BCO1: variants seen among roughly 807,000 people sequenced by gnomAD.
The protein encoded by BCO1 is beta-carotene oxygenase 1.
In BCO1, 54 loss-of-function variants were observed where a neutral mutation model predicts 56.3. The ratio of observed to expected loss-of-function variants is 0.96; its 90% CI spans 0.77 to 1.20. The LOEUF (loss-of-function observed/expected upper bound fraction) is 1.20, where lower values mean the gene tolerates loss of function less well. Ranked by LOEUF, BCO1 falls within the 50% of genes most tolerant of loss-of-function variation. The pLI, the probability that BCO1 is intolerant of heterozygous loss-of-function variation, is 0.00. For synonymous variants in BCO1, 318 were observed against 266.1 expected (o/e 1.20, Z -1.90); for missense variants, 801 against 690.9 (o/e 1.16, Z -1.79).
intron 8 of BCO1, among the ~76,000 whole-genome samples, chr16:81,282,086 C>A (rs1040025084): frequency 6.6e-6 from 1 of 152,180 alleles, no homozygotes; most frequent in Non-Finnish European, 1.5e-5. Flanking sequence ...TGCATTTCAA[C>A]TGAGCGCATT....
chr16:81,266,995 G>A lies in BCO1; in HGVS notation c.620-913G>A, dbSNP rs115690764. Among the ~76,000 whole-genome samples, 457 of 152,348 alleles carry A rather than the reference G, an allele frequency of 3.0e-3. 3 individuals are homozygous for A. Among genetic ancestry groups the A allele is most frequent in the African/African-American group, 0.01 (419 of 41,576 alleles). The stretch of plus-strand genomic sequence containing the variant: ...GCAGATAACTCATTATAAGCCAGCC[G>A]TAGGCCTGGGTGGGGAGGCCTTTTG... On this transcript the variant is annotated intron_variant, in intron 5 of 10. Coordinates refer to ENST00000258168, the MANE Select transcript of BCO1 (RefSeq NM_017429.3).
At chr16:81,288,621 C>T (rs1029143072) in intron 10 of BCO1, among the ~76,000 whole-genome samples, 4 of 152,268 alleles carry the variant, frequency 2.6e-5, no homozygotes, top group East Asian at 3.9e-4. Context: ...TTCACAGAGC[C>T]GCTGGAAATG....
At chr16:81,245,731 G>C in intron 2 of BCO1, 128 bp downstream of exon 2, 1 of 1,210,426 alleles carries the variant, frequency 8.3e-7, no homozygotes, top group Non-Finnish European at 1.2e-6. Flanking sequence ...TCACTGAACT[G>C]AAATCAAGGT....
At chr16:81,255,891 T>G (rs1161241464) in intron 2 of BCO1, among the ~76,000 whole-genome samples, 1 of 152,034 alleles carries the variant, frequency 6.6e-6, no homozygotes, top group Non-Finnish European at 1.5e-5. Context: ...AGTGGCACGA[T>G]TTCGGCTCAC....
chr16:81,277,303 G>T (rs1223213199), intron 7 of BCO1, among the ~76,000 whole-genome samples: 3 of 151,982 alleles, frequency 2.0e-5, no homozygotes, highest in Admixed American at 2.0e-4. Flanking sequence ...GAAGTGCTTT[G>T]CTAATCTTCA....
chr16:81,266,742 G>A (rs966623312), intron 5 of BCO1, among the ~76,000 whole-genome samples: 1 of 152,138 alleles, frequency 6.6e-6, no homozygotes, highest in African/African-American at 2.4e-5. Flanking sequence ...AGGAGCCACT[G>A]ACATCCTGCA....
rs749662999 is a variant in BCO1, at chr16:81,268,074, C to A, written c.786C>A (p.Thr262=). ...PFRLDILKMA[T]AYIRRMSWAS... ...GGTTGGATATTCTCAAGATGGCAAC[C>A]GCATACATCCGGAGAATGAGCTGGG... The change falls in exon 6 of 11, where the codon ACC becomes ACA. Residue 262 remains threonine (T), a synonymous_variant. Coordinates refer to ENST00000258168, the MANE Select transcript of BCO1 (RefSeq NM_017429.3). 1.2e-6 allele frequency: 2 copies of A among 1,612,900 alleles called. No homozygotes were observed.
chr16:81,251,375 A>G (rs1469227364), intron 2 of BCO1, among the ~76,000 whole-genome samples: 11 of 152,066 alleles, frequency 7.2e-5, no homozygotes, highest in Admixed American at 7.2e-4. Context: ...CCTGGGTAAC[A>G]TAGTGAGACC....
chr16:81,256,364 C>T (rs186497241), intron 2 of BCO1, among the ~76,000 whole-genome samples: 5 of 152,200 alleles, frequency 3.3e-5, no homozygotes, highest in Admixed American at 2.6e-4. Context: ...ATATGATGGG[C>T]GTTTCTGAGG....
intron 8 of BCO1, among the ~76,000 whole-genome samples, chr16:81,283,575 G>A (rs954754184): frequency 6.6e-6 from 1 of 152,072 alleles, no homozygotes; most frequent in African/African-American, 2.4e-5. Context: ...GTCAAGGGCA[G>A]GCACCTTCTT....
chr16:81,259,171 G>A (rs2151935218), intron 2 of BCO1, among the ~76,000 whole-genome samples: 1 of 152,256 alleles, frequency 6.6e-6, no homozygotes, highest in Middle Eastern at 3.4e-3. Flanking sequence ...ATACTGTTGT[G>A]AGTCAGGAGT....
At chr16:81,266,754 G>A (rs1406341515) in intron 5 of BCO1, among the ~76,000 whole-genome samples, 1 of 152,162 alleles carries the variant, frequency 6.6e-6, no homozygotes, top group African/African-American at 2.4e-5. Context: ...CATCCTGCAA[G>A]CAGAGATCCT....
At chr16:81,243,585 C>T (rs1048510102) in intron 1 of BCO1, among the ~76,000 whole-genome samples, 1 of 152,150 alleles carries the variant, frequency 6.6e-6, no homozygotes, top group African/African-American at 2.4e-5. Context: ...TCTCCTGTCT[C>T]AGCCTCCAGA....
chr16:81,285,558 T>A lies in BCO1; in HGVS notation c.1226T>A (p.Val409Asp), dbSNP rs757924558. 1.9e-6 allele frequency: 3 copies of A among 1,613,488 alleles called. No individual in the cohort carries two copies. In the South Asian group the frequency reaches 3.3e-5, roughly 18 times the overall value. The change falls in exon 9 of 11, where the codon GTC becomes GAC. Residue 409 changes from valine (V) to aspartate (D), a missense_variant. Coordinates refer to ENST00000258168, the MANE Select transcript of BCO1 (RefSeq NM_017429.3). The stretch of plus-strand genomic sequence containing the variant: ...CTTGTAGGCTTAGAGCTTCCACGGG[T>A]CAATTATGCTCACAATGGAAAGCAA... ...FLYEGLELPR[V>D]NYAHNGKQYR...
chr16:81,261,986 C>G, intron 3 of BCO1, 150 bp from the exon 4 acceptor site: 3 of 881,548 alleles, frequency 3.4e-6, no homozygotes, highest in Non-Finnish European at 5.5e-6. Context: ...TCGTGATCCA[C>G]CTGCCTCGGC....
At chr16:81,274,258 C>CTTTTTTT (rs755672295) in intron 7 of BCO1, among the ~76,000 whole-genome samples, 1 of 80,534 alleles carries the variant, frequency 1.2e-5, no homozygotes, top group African/African-American at 4.8e-5. Flanking sequence ...GCTTGTGTAT[C>CTTTTTTT]TTTTTTTTTT....
intron 5 of BCO1, 142 bp downstream of exon 5, chr16:81,264,929 T>C: frequency 1.1e-6 from 1 of 927,472 alleles, no homozygotes; most frequent in Non-Finnish European, 1.7e-6. Context: ...AAGTCAGTAC[T>C]TTCCTTTAGA....
chr16:81,246,830 G>C (rs1207807768), intron 2 of BCO1, among the ~76,000 whole-genome samples: 1 of 127,444 alleles, frequency 7.8e-6, no homozygotes, highest in Non-Finnish European at 1.6e-5. Flanking sequence ...CAGCCTGGGA[G>C]ACAGAGCCAG....
At position 81,259,902 on chromosome 16, in the gene BCO1, G is replaced by C. The variant is rs150424103; in HGVS notation, c.323+97G>C. 2,350 of 1,514,160 alleles carry C rather than the reference G, an allele frequency of 1.6e-3. 28 individuals carry two copies. Among genetic ancestry groups the C allele is most frequent in the East Asian group, 0.011 (503 of 44,260 alleles). 93.8% of individuals were successfully genotyped at this position (1,514,160 alleles called of 1,614,324 possible). ...TTGCTCCTCTGACAATTCTCTTTAG[G>C]GTAGATGAAAACTCCACATGACTGC... On this transcript the variant is annotated intron_variant, in intron 3 of 10. Transcript: ENST00000258168.
Sources: gnomAD v4.1 joint callset for allele counts (sites outside exome capture counted in the v4.1 genomes callset) on GRCh38, gnomAD v4.1.1 for gene constraint, MANE v1.5 for transcripts, NCBI Gene and HGNC (gene_info 2026-07-23, HGNC 2026-07-21) for gene names.